The following CHST9 variants were observed in gnomAD, a reference collection of about 807,000 sequenced individuals.
CHST9 encodes the protein GalNAc-4-sulfotransferase 2.
CHST9 carries 41 observed loss-of-function variants against 44.4 expected under a neutral mutation model. The ratio of observed to expected loss-of-function variants is 0.92; its 90% CI spans 0.72 to 1.20. The LOEUF is 1.20. Among genes scored for constraint, CHST9 ranks in the 50% most tolerant of loss-of-function variants. The pLI, the probability that CHST9 is intolerant of heterozygous loss-of-function variation, is 0.00. For synonymous variants in CHST9, 171 were observed against 178.4 expected, an observed-to-expected ratio of 0.96 and a Z score of 0.33; for missense variants, 504 against 516.5, an observed-to-expected ratio of 0.98 and a Z score of 0.23.
At chr18:27,154,763 C>A (rs1339112295) in intron 1 of CHST9, among the ~76,000 whole-genome samples, 1 of 152,044 alleles carries the variant, frequency 6.6e-6, no homozygotes, top group African/African-American at 2.4e-5. Context: ...TGACCACTTA[C>A]TAGCTTTGTG....
chr18:27,141,673 C>T (rs2058568420), intron 2 of CHST9, among the ~76,000 whole-genome samples: 1 of 135,842 alleles, frequency 7.4e-6, no homozygotes, highest in Admixed American at 7.5e-5. Context: ...TAAAAATAAT[C>T]ATAGTTGTAA....
chr18:27,011,751 C>T (rs974487125), intron 4 of CHST9, among the ~76,000 whole-genome samples: 3 of 152,184 alleles, frequency 2.0e-5, no homozygotes, highest in African/African-American at 7.2e-5. Context: ...TGGAATATAC[C>T]AGTGAGTGAG....
At chr18:27,006,988 T>G (rs1154205) in intron 4 of CHST9, among the ~76,000 whole-genome samples, 52,105 of 151,940 alleles carry the variant, frequency 0.34, 9,641 homozygotes, top group East Asian at 0.47. Context: ...CGTGCATGTG[T>G]GTGTGCGTGT....
Position 26,916,629 on chromosome 18 carries a change from G to A in CHST9, c.962C>T (p.Ala321Val). The A allele has an allele frequency of 6.2e-7, 1 of 1,613,798 alleles. No homozygotes were observed. Among genetic ancestry groups the A allele is most frequent in the Non-Finnish European group, 8.5e-7 (1 of 1,179,776 alleles). Residue 321 changes from alanine (A) to valine (V), a missense_variant, in exon 6 of 6, where the codon GCA becomes GTA. Coordinates refer to ENST00000618847, the MANE Select transcript of CHST9 (RefSeq NM_031422.6). ...KKYRPNACEE[A>V]LINGSGVKFK... ...CTTGACTCCAGATCCATTAATTAATGCTTCTTCACAGGCATTTGGTCGATA... is the reference window on the plus strand; with the variant it reads ...CTTGACTCCAGATCCATTAATTAATACTTCTTCACAGGCATTTGGTCGATA...
chr18:26,927,317 C>T lies in CHST9; in HGVS notation c.241-9967G>A, dbSNP rs548923669. 8.6e-5 allele frequency among the ~76,000 whole-genome samples: 13 copies of T among 151,980 alleles called. No homozygotes were observed. In the East Asian group the frequency reaches 2.3e-3, roughly 27 times the overall value. On this transcript the variant is annotated intron_variant, in intron 5 of 5. Coordinates refer to ENST00000618847, the MANE Select transcript of CHST9 (RefSeq NM_031422.6). Reference sequence around the variant, plus strand: ...CCCCTCCACACCTGTGGGCGTTTCTCGTCGGGGGGCGGGGGTACGAGAGAC... The same window carrying T: ...CCCCTCCACACCTGTGGGCGTTTCTTGTCGGGGGGCGGGGGTACGAGAGAC...
intron 3 of CHST9, among the ~76,000 whole-genome samples, chr18:27,039,099 T>A (rs539469514): frequency 2.0e-5 from 3 of 152,258 alleles, no homozygotes; most frequent in Non-Finnish European, 4.4e-5. Context: ...TCTTACAAAT[T>A]TACTTGTTCT....
intron 5 of CHST9, among the ~76,000 whole-genome samples, chr18:26,939,302 G>C (rs2056046846): frequency 6.6e-6 from 1 of 151,868 alleles, no homozygotes; most frequent in African/African-American, 2.4e-5. Context: ...GAAGAGAAGG[G>C]GATTAGTACG....
chr18:27,020,546 A>G (rs1453950886), intron 4 of CHST9, among the ~76,000 whole-genome samples: 1 of 152,178 alleles, frequency 6.6e-6, no homozygotes, highest in Non-Finnish European at 1.5e-5. Context: ...AGATGTTTCA[A>G]ATGTTATTCA....
chr18:27,082,390 A>G (rs1472386226), intron 2 of CHST9, among the ~76,000 whole-genome samples: 1 of 152,198 alleles, frequency 6.6e-6, no homozygotes, highest in Non-Finnish European at 1.5e-5. Flanking sequence ...TACAATGTAC[A>G]GATTATGTTT....
intron 4 of CHST9, among the ~76,000 whole-genome samples, chr18:26,994,874 C>T (rs973694122): frequency 4.6e-5 from 7 of 151,874 alleles, no homozygotes; most frequent in Admixed American, 6.6e-5. Context: ...CAGGCGTGAG[C>T]CATTGTGCCT....
In CHST9 at chr18:26,917,064, T is replaced by A. The variant is rs751808114; in HGVS notation, c.527A>T (p.Glu176Val). 2 of 1,613,968 alleles carry A rather than the reference T, an allele frequency of 1.2e-6. No homozygotes were observed. Among genetic ancestry groups the A allele is most frequent in the South Asian group, 1.1e-5 (1 of 91,082 alleles). Reference protein sequence around the residue: ...NKWKKTEETQEKRRSFLQEFC... With the variant: ...NKWKKTEETQVKRRSFLQEFC... ...CTCCTGAAGGAAAGACCTTCGTTTC[T>A]CTTGGGTCTCCTCAGTTTTCTTCCA... The change falls in exon 6 of 6, where the codon GAG becomes GTG. Residue 176 changes from glutamate (E) to valine (V), a missense_variant. Glu to Val is a moderately radical substitution (Grantham distance 121, BLOSUM62 -2). Coordinates refer to ENST00000618847, the MANE Select transcript of CHST9 (RefSeq NM_031422.6).
rs966609218 is a variant in CHST9 at position 26,973,465 on chromosome 18, A to G, written c.203-29099T>C. ...CAAGTAGTCTCATAAAAGCTGGAGA[A>G]GGTGTTGCTTTAGATCAAGCTTATC... On this transcript the variant is annotated intron_variant, in intron 4 of 5. Transcript: ENST00000618847. Among the ~76,000 whole-genome samples, 6 of 152,346 alleles carry G rather than the reference A, an allele frequency of 3.9e-5. 1 individual carries two copies. Among genetic ancestry groups the G allele is most frequent in the African/African-American group, 1.2e-4 (5 of 41,578 alleles).
intron 2 of CHST9, among the ~76,000 whole-genome samples, chr18:27,074,457 G>T (rs1256603071): frequency 1.3e-5 from 2 of 152,030 alleles, no homozygotes; most frequent in Non-Finnish European, 2.9e-5. Context: ...ATAGCCTAGG[G>T]GTAAAAGGTT....
intron 5 of CHST9, among the ~76,000 whole-genome samples, chr18:26,923,707 C>T (rs2055706433): frequency 6.6e-6 from 1 of 152,166 alleles, no homozygotes; most frequent in Non-Finnish European, 1.5e-5. Context: ...ATTTGTGGCC[C>T]TTCAAGGAAA....
chr18:27,165,994 A>G (rs1184441648), intron 1 of CHST9, among the ~76,000 whole-genome samples: 1 of 152,182 alleles, frequency 6.6e-6, no homozygotes, highest in African/African-American at 2.4e-5. Context: ...TTTTACCTGC[A>G]GACTATTTTG....
chr18:27,003,503 C>A (rs748341214), intron 4 of CHST9, among the ~76,000 whole-genome samples: 2 of 152,130 alleles, frequency 1.3e-5, no homozygotes, highest in South Asian at 2.1e-4. Context: ...TTAATTATAA[C>A]TGCAGGGTAA....
At chr18:26,935,179 T>A (rs1163138983) in intron 5 of CHST9, 1 of 149,190 alleles carries the variant, frequency 6.7e-6, no homozygotes. Flanking sequence ...GTACAATGCA[T>A]TAATCATCAC....
At chr18:26,997,495 AT>A (rs1374727774) in intron 4 of CHST9, among the ~76,000 whole-genome samples, 1 of 152,192 alleles carries the variant, frequency 6.6e-6, no homozygotes, top group African/African-American at 2.4e-5. Flanking sequence ...TAGTGATGAG[AT>A]TTATCTGCAC....
rs183609725 is a variant in CHST9 at position 26,980,402 on chromosome 18, G to A, written c.203-36036C>T. Among the ~76,000 whole-genome samples the A allele has an allele frequency of 1.3e-3, 204 of 152,142 alleles. 2 individuals carry two copies. The highest frequency in any genetic ancestry group is 2.4e-4 in the Non-Finnish European group (16 of 67,978). ...TGACCCATGAATGAAGATAATAATG[G>A]CAATGATTATGTACCAAACATAAAT... is the stretch of plus-strand genomic sequence containing the variant. On this transcript the variant is annotated intron_variant, in intron 4 of 5. Transcript: ENST00000618847.
Sources: allele counts gnomAD v4.1 joint callset (sites outside exome capture counted in the v4.1 genomes callset), GRCh38; gene constraint gnomAD v4.1.1; transcripts MANE v1.5; gene names NCBI Gene and HGNC (gene_info 2026-07-23, HGNC 2026-07-21).